The following TBL1X variants were observed in gnomAD, a reference collection of about 807,000 sequenced individuals.
TBL1X encodes the protein F-box-like/WD repeat-containing protein TBL1X.
TBL1X carries 10 observed loss-of-function variants against 50.7 expected under a neutral mutation model. The ratio of observed to expected loss-of-function variants is 0.20; its 90% CI spans 0.12 to 0.33. TBL1X has a LOEUF of 0.33. TBL1X is among the 10% of genes least tolerant of loss of function. The pLI is 1.00. For missense variants in TBL1X, 340 were observed against 504.4 expected (o/e 0.67, Z 3.12); for synonymous variants, 190 against 214.7 (o/e 0.88, Z 1.01).
chrX:9,685,946 C>T (rs1031322333), intron 6 of TBL1X, among the ~76,000 whole-genome samples: 1 of 110,042 alleles, frequency 9.1e-6, no homozygotes, highest in Non-Finnish European at 1.9e-5. Flanking sequence ...TGGGCTCAAG[C>T]GATCCTCCCG....
At chrX:9,624,692 T>G (rs1380300258) in intron 2 of TBL1X, among the ~76,000 whole-genome samples, 1 of 111,936 alleles carries the variant, frequency 8.9e-6, no homozygotes, top group Non-Finnish European at 1.9e-5. Context: ...GCCTGTTTTC[T>G]ATTAGACTGG....
At chrX:9,523,566 C>T (rs2082116885) in intron 2 of TBL1X, among the ~76,000 whole-genome samples, 1 of 112,676 alleles carries the variant, frequency 8.9e-6, no homozygotes, top group Admixed American at 9.4e-5. Flanking sequence ...ACTCTGGTGT[C>T]TCCTTTATCT....
chrX:9,498,800 C>T (rs767986598), intron 1 of TBL1X, among the ~76,000 whole-genome samples: 1 of 112,374 alleles, frequency 8.9e-6, no homozygotes, highest in African/African-American at 3.2e-5. Context: ...TGCGTGCTGT[C>T]CGCGAGCTTG....
chrX:9,482,876 T>C (rs1220986618), intron 1 of TBL1X, among the ~76,000 whole-genome samples: 2 of 111,652 alleles, frequency 1.8e-5, no homozygotes, highest in Non-Finnish European at 3.8e-5. Flanking sequence ...TTCCCTTAAT[T>C]ATTGCATTTC....
intron 2 of TBL1X, among the ~76,000 whole-genome samples, chrX:9,611,009 T>C (rs1257473839): frequency 8.9e-6 from 1 of 111,937 alleles, no homozygotes; most frequent in Non-Finnish European, 1.9e-5. Context: ...GAAATGGCCA[T>C]ATTTCTCTAA....
At chrX:9,680,652 C>T (rs12852516) in intron 5 of TBL1X, among the ~76,000 whole-genome samples, 20 of 111,495 alleles carry the variant, frequency 1.8e-4, no homozygotes, top group South Asian at 3.8e-4. Context: ...GACTGAAAAA[C>T]CATTGCTCTA....
chrX:9,585,612 G>T (rs2147025533), intron 2 of TBL1X, among the ~76,000 whole-genome samples: 1 of 110,962 alleles, frequency 9.0e-6, no homozygotes, highest in East Asian at 2.9e-4. Flanking sequence ...TTACCGTATA[G>T]AAACAAATGC....
chrX:9,657,565 C>G (rs767372710), intron 5 of TBL1X, among the ~76,000 whole-genome samples: 1 of 112,616 alleles, frequency 8.9e-6, no homozygotes, highest in African/African-American at 3.2e-5. Flanking sequence ...GGAAAAGAAC[C>G]TCAAAAACAG....
chrX:9,498,443 A>C (rs1202512892), intron 1 of TBL1X, among the ~76,000 whole-genome samples: 1 of 112,351 alleles, frequency 8.9e-6, no homozygotes, highest in Non-Finnish European at 1.9e-5. Context: ...CCTGGAGAAC[A>C]TTAATGAGGA....
intron 2 of TBL1X, among the ~76,000 whole-genome samples, chrX:9,554,928 T>A (rs949687187): frequency 3.6e-5 from 4 of 111,818 alleles, no homozygotes; most frequent in Non-Finnish European, 5.6e-5. Context: ...TGGCGGCCAC[T>A]GATCTATTTT....
chrX:9,605,155 C>T (rs779554492), intron 2 of TBL1X, among the ~76,000 whole-genome samples: 1 of 110,507 alleles, frequency 9.0e-6, no homozygotes, highest in East Asian at 2.9e-4. Context: ...CACAGGGCCA[C>T]ACAGGATCAT....
intron 1 of TBL1X, among the ~76,000 whole-genome samples, chrX:9,495,869 C>T (rs1391484889): frequency 1.0e-5 from 1 of 96,797 alleles, no homozygotes; most frequent in Non-Finnish European, 2.2e-5. Flanking sequence ...GGAGTGAGAG[C>T]CTTGTTCACC....
At chrX:9,628,631 T>G (rs1271203360) in intron 2 of TBL1X, among the ~76,000 whole-genome samples, 1 of 108,734 alleles carries the variant, frequency 9.2e-6, no homozygotes, top group Non-Finnish European at 1.9e-5. Context: ...ACTGGCAACC[T>G]CTGCCTCCTG....
At position 9,701,232 on chromosome X, in the gene TBL1X, C is replaced by T. The variant is rs564147304; in HGVS notation, c.1115-3761C>T. 3.5e-4 allele frequency among the ~76,000 whole-genome samples: 39 copies of T among 111,281 alleles called. No homozygotes were observed. The South Asian group carries it at 0.014, about 40-fold the overall frequency. Reference sequence around the variant, plus strand: ...GAGACACAGGACCTCTCTGTGTTACCTTTGCAGCTTCCTGTAAATCTCTAA... The same window carrying T: ...GAGACACAGGACCTCTCTGTGTTACTTTTGCAGCTTCCTGTAAATCTCTAA... On this transcript the variant is annotated intron_variant, in intron 12 of 17. Coordinates refer to ENST00000645353, the MANE Select transcript of TBL1X (RefSeq NM_005647.4).
At chrX:9,598,175 GC>G (rs1473716123) in intron 2 of TBL1X, among the ~76,000 whole-genome samples, 6 of 111,418 alleles carry the variant, frequency 5.4e-5, no homozygotes, top group Admixed American at 2.9e-4. Context: ...CCCTACTGAC[GC>G]CTTGATGTCT....
At chrX:9,709,810 C>G in intron 15 of TBL1X, 50 bp downstream of exon 15, 1 of 1,191,555 alleles carries the variant, frequency 8.4e-7, no homozygotes, top group Non-Finnish European at 1.1e-6. Flanking sequence ...ACAAAGACAA[C>G]AGGAAATTCT....
At chrX:9,496,428 A>G (rs1228971238) in intron 1 of TBL1X, among the ~76,000 whole-genome samples, 1 of 112,692 alleles carries the variant, frequency 8.9e-6, no homozygotes, top group Non-Finnish European at 1.9e-5. Context: ...AAAGGATATG[A>G]GAGTCTTGCC....
chrX:9,647,981 C>G (rs1205109873), intron 3 of TBL1X, among the ~76,000 whole-genome samples: 1 of 111,673 alleles, frequency 9.0e-6, no homozygotes, highest in Non-Finnish European at 1.9e-5. Flanking sequence ...ACTCCTCACA[C>G]TCTCCCCTTT....
intron 5 of TBL1X, among the ~76,000 whole-genome samples, chrX:9,656,981 T>C (rs2082868531): frequency 8.9e-6 from 1 of 111,991 alleles, no homozygotes; most frequent in Non-Finnish European, 1.9e-5. Flanking sequence ...CAAGCACCTG[T>C]ACTCTTACTC....
Sources: gnomAD v4.1 joint callset for allele counts (sites outside exome capture counted in the v4.1 genomes callset) on GRCh38, gnomAD v4.1.1 for gene constraint, MANE v1.5 for transcripts, NCBI Gene and HGNC (gene_info 2026-07-23, HGNC 2026-07-21) for gene names.